The following FBXO28 variants were observed in gnomAD, a reference collection of about 807,000 sequenced individuals.
The protein encoded by FBXO28 is F-box only protein 28.
FBXO28 carries 8 observed loss-of-function variants against 38.1 expected under a neutral mutation model. The observed-to-expected ratio is 0.21, with a 90% CI of 0.12 to 0.38. FBXO28 has a LOEUF of 0.38. FBXO28 is among the 10% of genes least tolerant of loss of function. The pLI, the probability that FBXO28 is intolerant of heterozygous loss-of-function variation, is 1.00. For synonymous variants in FBXO28, 168 were observed against 173.8 expected, an observed-to-expected ratio of 0.97 and a Z score of 0.26; for missense variants, 345 against 460.6, an observed-to-expected ratio of 0.75 and a Z score of 2.30.
intron 3 of FBXO28, among the ~76,000 whole-genome samples, chr1:224,139,706 A>T (rs1657293173): frequency 6.6e-6 from 1 of 152,088 alleles, no homozygotes; most frequent in African/African-American, 2.4e-5. Flanking sequence ...GCGCCACTGT[A>T]TTCCAGCCTG....
At chr1:224,146,601 A>C (rs1054123104) in intron 3 of FBXO28, among the ~76,000 whole-genome samples, 5 of 151,806 alleles carry the variant, frequency 3.3e-5, no homozygotes, top group Non-Finnish European at 7.4e-5. Flanking sequence ...GTTTCTAGCT[A>C]TGTTGCTCTT....
At chr1:224,121,231 A>G (rs1656765165) in intron 1 of FBXO28, among the ~76,000 whole-genome samples, 1 of 152,230 alleles carries the variant, frequency 6.6e-6, no homozygotes, top group African/African-American at 2.4e-5. Flanking sequence ...CAGATAATCA[A>G]AAACTGAGAA....
chr1:224,115,693 G>T (rs2102605732), intron 1 of FBXO28, among the ~76,000 whole-genome samples: 1 of 152,210 alleles, frequency 6.6e-6, no homozygotes, highest in Non-Finnish European at 1.5e-5. Context: ...ATTTCATGTA[G>T]AATCTTAAAT....
At position 224,159,995 on chromosome 1, in the gene FBXO28, A is replaced by G. The variant is rs1657868415; in HGVS notation, c.*2249A>G. 2 of 152,332 alleles carry G rather than the reference A, an allele frequency of 1.3e-5. No individual in the cohort carries two copies. The highest frequency in any genetic ancestry group is 4.1e-4 in the South Asian group (2 of 4,830). 9.4% of individuals were successfully genotyped at this position (152,332 alleles called of 1,614,324 possible). On this transcript the variant is annotated 3_prime_UTR_variant, in exon 5 of 5. Coordinates refer to ENST00000366862, the MANE Select transcript of FBXO28 (RefSeq NM_015176.4). Reference sequence around the variant, plus strand: ...TGCATACACTTATAATCATCTATTCATAAAGCTAATTCATTGTACTTGTTA... The same window carrying G: ...TGCATACACTTATAATCATCTATTCGTAAAGCTAATTCATTGTACTTGTTA...
chr1:224,141,208 C>CA (rs1209915996), intron 3 of FBXO28, among the ~76,000 whole-genome samples: 2 of 151,330 alleles, frequency 1.3e-5, no homozygotes, highest in Non-Finnish European at 2.9e-5. Flanking sequence ...CATGGTGGCT[C>CA]ACGCCTGTAA....
Position 224,161,794 on chromosome 1 carries a change from G to T in FBXO28, c.*4048G>T, listed in dbSNP as rs1048711. 6.6e-6 allele frequency: 1 copy of T among 152,268 alleles called. No homozygotes were observed. The highest frequency in any genetic ancestry group is 1.9e-4 in the East Asian group (1 of 5,182). 9.4% of individuals were successfully genotyped at this position (152,268 alleles called of 1,614,324 possible). ...TGTCTGAAGAGAACCATGACATTTA[G>T]AAGTATATTGGTAATCTATTAGGTC... On this transcript the variant is annotated 3_prime_UTR_variant, in exon 5 of 5. Transcript: ENST00000366862.
chr1:224,129,109 G>C (rs989259780), intron 1 of FBXO28, among the ~76,000 whole-genome samples: 1 of 152,156 alleles, frequency 6.6e-6, no homozygotes, highest in African/African-American at 2.4e-5. Context: ...GGGAGGCCAA[G>C]GCGGATGGAT....
intron 1 of FBXO28, among the ~76,000 whole-genome samples, chr1:224,120,342 C>T (rs911331188): frequency 1.3e-5 from 2 of 152,170 alleles, no homozygotes; most frequent in African/African-American, 4.8e-5. Context: ...ATATTTGTAC[C>T]TTTGGCATAT....
intron 4 of FBXO28, among the ~76,000 whole-genome samples, chr1:224,154,583 C>G (rs958583106): frequency 6.6e-6 from 1 of 151,714 alleles, no homozygotes; most frequent in Admixed American, 6.6e-5. Context: ...CCAAGGCGGG[C>G]GGATCACGAG....
chr1:224,143,228 A>G (rs1370156144), intron 3 of FBXO28, among the ~76,000 whole-genome samples: 1 of 151,784 alleles, frequency 6.6e-6, no homozygotes, highest in East Asian at 1.9e-4. Context: ...CAAAAAAAAA[A>G]AAAAAAAGAG....
chr1:224,130,489 C>T lies in FBXO28; in HGVS notation c.285C>T (p.Asp95=), dbSNP rs765414640. The T allele has an allele frequency of 4.5e-5, 72 of 1,613,378 alleles. No homozygotes were observed. The highest frequency in any genetic ancestry group is 5.9e-5 in the Non-Finnish European group (70 of 1,179,452). ...SQLRLVCKRM[D]LVCQRMLNQG... ...CCTTGAAGGTTTGTAAAAGAATGGA[C>T]TTGGTCTGCCAGAGAATGTTGAATC... Residue 95 remains aspartate (D), a synonymous_variant, in exon 2 of 5, where the codon GAC becomes GAT. Transcript: ENST00000366862.
In FBXO28 at chr1:224,114,287, T is replaced by G; in HGVS notation, c.158T>G (p.Leu53Arg). The G allele has an allele frequency of 6.4e-7, 1 of 1,559,038 alleles. No individual in the cohort carries two copies. The highest frequency in any genetic ancestry group is 8.7e-7 in the Non-Finnish European group (1 of 1,151,538). ...TCCCAGGCGCTCCCAGCCCCCGCGC[T>G]GGCTCCGGACCAGCTGCCTCAAAAC... ...PGSQALPAPA[L>R]APDQLPQNNT... Residue 53 changes from leucine to arginine, a missense_variant, in exon 1 of 5, where the codon CTG becomes CGG. Coordinates refer to ENST00000366862, the MANE Select transcript of FBXO28 (RefSeq NM_015176.4).
chr1:224,135,630 A>AGAAAAAGAAAAAG (rs59952925), intron 3 of FBXO28, among the ~76,000 whole-genome samples: 2 of 115,816 alleles, frequency 1.7e-5, no homozygotes, highest in East Asian at 2.4e-4. Flanking sequence ...AAAAAAAAAA[A>AGAAAAAGAAAAAG]AAAAAGAAAA....
chr1:224,134,760 A>G (rs960127679), intron 3 of FBXO28, among the ~76,000 whole-genome samples: 1 of 152,222 alleles, frequency 6.6e-6, no homozygotes, highest in Admixed American at 6.5e-5. Context: ...AAAAACTCCA[A>G]CATTCAACAT....
intron 3 of FBXO28, among the ~76,000 whole-genome samples, chr1:224,152,659 A>T (rs1657674245): frequency 6.6e-6 from 1 of 152,118 alleles, no homozygotes; most frequent in South Asian, 2.1e-4. Context: ...GGCCGGGCAC[A>T]GTGGTTCACA....
chr1:224,155,587 CTAAAT>C, intron 4 of FBXO28, among the ~76,000 whole-genome samples: 1 of 152,310 alleles, frequency 6.6e-6, no homozygotes, highest in South Asian at 2.1e-4. Context: ...TACTGAAAGA[CTAAAT>C]TATTTAATGT....
intron 3 of FBXO28, among the ~76,000 whole-genome samples, chr1:224,146,381 G>GA (rs1162454666): frequency 6.6e-6 from 1 of 151,976 alleles, no homozygotes; most frequent in African/African-American, 2.4e-5. Context: ...TGAAAAATGA[G>GA]AAAAAAATGA....
chr1:224,126,461 G>A (rs1166752406), intron 1 of FBXO28, among the ~76,000 whole-genome samples: 1 of 152,192 alleles, frequency 6.6e-6, no homozygotes, highest in African/African-American at 2.4e-5. Flanking sequence ...TTTCTACAAG[G>A]TTGTGTTAGA....
At chr1:224,149,297 A>G (rs1168043974) in intron 3 of FBXO28, among the ~76,000 whole-genome samples, 3 of 140,398 alleles carry the variant, frequency 2.1e-5, no homozygotes, top group South Asian at 4.4e-4. Context: ...TTTTTGAGAC[A>G]GTCTTGCCCC....
Sources: allele counts gnomAD v4.1 joint callset (sites outside exome capture counted in the v4.1 genomes callset), GRCh38; gene constraint gnomAD v4.1.1; transcripts MANE v1.5; gene names NCBI Gene and HGNC (gene_info 2026-07-23, HGNC 2026-07-21).